The following SUFU variants were observed in gnomAD, a reference collection of about 807,000 sequenced individuals.
The protein encoded by SUFU is suppressor of fused homolog.
Under a neutral mutation model 58.9 loss-of-function variants are expected in SUFU, and 7 were observed. That is an observed-to-expected ratio of 0.12 (90% CI 0.07 to 0.22). SUFU has a LOEUF of 0.22. Ranked by LOEUF, SUFU falls within the 10% of genes least tolerant of loss-of-function variation. The probability of loss-of-function intolerance (pLI) is 1.00; values close to 1 mark genes in which losing one functional copy is unlikely to be tolerated. For missense variants in SUFU, 451 were observed against 641.3 expected, an observed-to-expected ratio of 0.70 and a Z score of 3.20; for synonymous variants, 232 against 254.8, an observed-to-expected ratio of 0.91 and a Z score of 0.85.
Position 102,630,516 on chromosome 10 carries a change from C to T in SUFU, c.*361C>T. On this transcript the variant is annotated 3_prime_UTR_variant, in exon 12 of 12. Transcript: ENST00000369902. ...TCTTTCTCACCTACCCCCTGCCGCACAGCCCAGCAGGAGGGAGGCGGACAG... is the reference window on the plus strand; with the variant it reads ...TCTTTCTCACCTACCCCCTGCCGCATAGCCCAGCAGGAGGGAGGCGGACAG... 1 of 432,532 alleles carries T rather than the reference C, an allele frequency of 2.3e-6. No homozygotes were observed. The highest frequency in any genetic ancestry group is 4.3e-6 in the Non-Finnish European group (1 of 230,360). 26.8% of individuals were successfully genotyped at this position (432,532 alleles called of 1,614,324 possible).
At chr10:102,593,025 C>A (rs373735247) in intron 4 of SUFU, among the ~76,000 whole-genome samples, 1 of 152,090 alleles carries the variant, frequency 6.6e-6, no homozygotes, top group Non-Finnish European at 1.5e-5. Context: ...ACAGGACTTT[C>A]CAGCGGGAAG....
intron 3 of SUFU, among the ~76,000 whole-genome samples, chr10:102,554,009 C>A (rs139513018): frequency 6.6e-6 from 1 of 152,176 alleles, no homozygotes; most frequent in Non-Finnish European, 1.5e-5. Flanking sequence ...GGGAGGATTA[C>A]GCATAAGCCT....
At chr10:102,612,075 C>T (rs751714941) in intron 8 of SUFU, among the ~76,000 whole-genome samples, 1 of 152,178 alleles carries the variant, frequency 6.6e-6, no homozygotes, top group African/African-American at 2.4e-5. Flanking sequence ...AAACCTGTGT[C>T]GGCTGCAGAT....
At chr10:102,526,833 A>G (rs1427251118) in intron 2 of SUFU, among the ~76,000 whole-genome samples, 4 of 152,112 alleles carry the variant, frequency 2.6e-5, no homozygotes, top group African/African-American at 9.7e-5. Context: ...GCTAGTATAA[A>G]GGCCCTGAGG....
intron 3 of SUFU, among the ~76,000 whole-genome samples, chr10:102,589,442 C>CTTTATTTT (rs1554851911): frequency 1.5e-5 from 1 of 65,358 alleles, no homozygotes; most frequent in Non-Finnish European, 2.6e-5. Context: ...TTCTTTCTTT[C>CTTTATTTT]TTTTTTTTTT....
intron 2 of SUFU, among the ~76,000 whole-genome samples, chr10:102,543,479 T>C (rs2062824261): frequency 6.6e-6 from 1 of 152,152 alleles, no homozygotes; most frequent in South Asian, 2.1e-4. Context: ...GCTTTCATGG[T>C]TTTTTGCATA....
At chr10:102,588,404 A>G (rs4919659) in intron 3 of SUFU, among the ~76,000 whole-genome samples, 96 of 152,002 alleles carry the variant, frequency 6.3e-4, no homozygotes, top group Admixed American at 2.9e-3. Context: ...AAAAAAAAAA[A>G]AAAAGAAAAG....
intron 1 of SUFU, among the ~76,000 whole-genome samples, 159 bp from the exon 2 acceptor site, chr10:102,509,010 C>G (rs2062364567): frequency 6.6e-6 from 1 of 152,204 alleles, no homozygotes. Flanking sequence ...AGCTGTCCAT[C>G]CCTTAGTCTC....
In SUFU at chr10:102,617,084, C is replaced by A. The variant is rs1408962835; in HGVS notation, c.1158-206C>A. ...ACTTTGGAAGGATGATGTTAGAGAA[C>A]TTGTGAGAGGAGCTTCTCTTTGAAG... On this transcript the variant is annotated intron_variant, in intron 9 of 11. Coordinates refer to ENST00000369902, the MANE Select transcript of SUFU (RefSeq NM_016169.4). The surrounding 1 kb of genome is among the most constrained non-coding windows in gnomAD (Gnocchi z 4.4). 6.6e-6 allele frequency among the ~76,000 whole-genome samples: 1 copy of A among 152,214 alleles called. No homozygotes were observed. The highest frequency in any genetic ancestry group is 2.4e-5 in the African/African-American group (1 of 41,456).
In SUFU at chr10:102,625,342, C is replaced by T. The variant is rs1481747236; in HGVS notation, c.1297-1833C>T. Among the ~76,000 whole-genome samples the T allele has an allele frequency of 3.3e-5, 5 of 152,178 alleles. No individual in the cohort carries two copies. The highest frequency in any genetic ancestry group is 7.3e-5 in the Non-Finnish European group (5 of 68,036). ...TCTAAGCCTTGTCTCTGTCCTTGGT[C>T]GGGGCCCTAGCTCCTAGAACAGAGA... On this transcript the variant is annotated intron_variant, in intron 10 of 11. Coordinates refer to ENST00000369902, the MANE Select transcript of SUFU (RefSeq NM_016169.4). The surrounding 1 kb of genome is among the most constrained non-coding windows in gnomAD (Gnocchi z 4.7).
rs566557982 is a variant in SUFU at position 102,632,531 on chromosome 10, G to T, written c.*2376G>T. ...CAGAGGTTTCTTGGGCTGCTGGCTG[G>T]TGAGAGAGGACCCTTAAAGAAGATC... On this transcript the variant is annotated 3_prime_UTR_variant, in exon 12 of 12. Transcript: ENST00000369902. 1.3e-5 allele frequency: 3 copies of T among 233,412 alleles called. No homozygotes were observed. Among genetic ancestry groups the T allele is most frequent in the East Asian group, 1.2e-4 (2 of 16,584 alleles). 14.5% of individuals were successfully genotyped at this position (233,412 alleles called of 1,614,324 possible). A position where few individuals can be genotyped will look rare whatever the true frequency, so the allele number is the denominator to read the frequency against.
At chr10:102,526,993 G>GTTTTTTTT (rs34862176) in intron 2 of SUFU, among the ~76,000 whole-genome samples, 2 of 102,046 alleles carry the variant, frequency 2.0e-5, no homozygotes, top group Non-Finnish European at 3.8e-5. Flanking sequence ...TATTATTATT[G>GTTTTTTTT]TTTTTTTTTT....
intron 2 of SUFU, among the ~76,000 whole-genome samples, chr10:102,529,010 G>GATTT (rs1335877239): frequency 6.8e-6 from 1 of 146,932 alleles, no homozygotes; most frequent in East Asian, 2.0e-4. Flanking sequence ...AATATAACGA[G>GATTT]ATTTATGGGT....
At chr10:102,577,869 G>T (rs2135820462) in intron 3 of SUFU, among the ~76,000 whole-genome samples, 1 of 148,338 alleles carries the variant, frequency 6.7e-6, no homozygotes. Context: ...TTTTAGTAGA[G>T]ATGGGGTTTC....
At chr10:102,612,171 G>T (rs1227498387) in intron 8 of SUFU, among the ~76,000 whole-genome samples, 2 of 18,114 alleles carry the variant, frequency 1.1e-4, no homozygotes, top group Admixed American at 8.9e-4. Flanking sequence ...CTGGGTTCTT[G>T]TGTGTGTGTG....
intron 1 of SUFU, among the ~76,000 whole-genome samples, chr10:102,505,355 C>T (rs950109920): frequency 6.6e-6 from 1 of 152,200 alleles, no homozygotes; most frequent in Admixed American, 6.5e-5. Flanking sequence ...TCCTCAAAGT[C>T]TTGCTGGACC....
At chr10:102,624,917 T>A (rs1358159877) in intron 10 of SUFU, among the ~76,000 whole-genome samples, 2 of 152,224 alleles carry the variant, frequency 1.3e-5, no homozygotes, top group Non-Finnish European at 2.9e-5. Context: ...ATCTATTTAC[T>A]GATCTGGCAG....
intron 3 of SUFU, among the ~76,000 whole-genome samples, chr10:102,572,262 G>A (rs1484733832): frequency 2.1e-5 from 3 of 145,918 alleles, no homozygotes; most frequent in Non-Finnish European, 3.0e-5. Flanking sequence ...TTTTAGTAGA[G>A]GACGGGTTTC....
chr10:102,543,276 ATTGTTTTCAT>A (rs1466111636), intron 2 of SUFU, among the ~76,000 whole-genome samples: 11 of 152,228 alleles, frequency 7.2e-5, no homozygotes, highest in African/African-American at 2.4e-4. Flanking sequence ...ATGGTATCTC[ATTGTTTTCAT>A]TTGCATTTCT....
Sources: allele counts gnomAD v4.1 joint callset (sites outside exome capture counted in the v4.1 genomes callset), GRCh38; gene constraint gnomAD v4.1.1; non-coding constraint Gnocchi (gnomAD v3.1); transcripts MANE v1.5; gene names NCBI Gene and HGNC (gene_info 2026-07-23, HGNC 2026-07-21).